ADGRF4: variants seen among roughly 807,000 people sequenced by gnomAD.
ADGRF4 encodes the protein adhesion G protein-coupled receptor F4, also known as G-protein coupled receptor PGR18.
In ADGRF4, 63 loss-of-function variants were observed where a neutral mutation model predicts 58.5. The observed-to-expected ratio is 1.08, with a 90% confidence interval of 0.88 to 1.33. The LOEUF (loss-of-function observed/expected upper bound fraction) is 1.33. Among genes scored for constraint, ADGRF4 ranks in the 40% most tolerant of loss-of-function variants. The pLI, the probability that ADGRF4 is intolerant of heterozygous loss-of-function variation, is 0.00. For synonymous variants in ADGRF4, 313 were observed against 295.4 expected (o/e 1.06, Z -0.61); for missense variants, 931 against 843.9 (o/e 1.10, Z -1.28).
chr6:47,718,992 C>T (rs1438793243), intron 9 of ADGRF4, among the ~76,000 whole-genome samples: 1 of 152,138 alleles, frequency 6.6e-6, no homozygotes, highest in Non-Finnish European at 1.5e-5. Context: ...CTGAGAGGTA[C>T]TGGGGGAATG....
In ADGRF4 at chr6:47,708,955, T is replaced by C. The variant is rs150994157; in HGVS notation, c.148+677T>C. ...AAAATGCTGTCTCATTCCATATTTG[T>C]AACAACATTATGGCATCATATTCAA... On this transcript the variant is annotated intron_variant, in intron 3 of 9. Transcript: ENST00000283303. Among the ~76,000 whole-genome samples the C allele has an allele frequency of 2.0e-3, 299 of 151,610 alleles. 3 individuals are homozygous for C. Among genetic ancestry groups the C allele is most frequent in the African/African-American group, 6.9e-3 (282 of 40,916 alleles).
chr6:47,710,638 A>G, intron 3 of ADGRF4, 97 bp from the exon 4 acceptor site: 1 of 1,307,510 alleles, frequency 7.6e-7, no homozygotes, highest in Admixed American at 2.4e-5. Context: ...CCAGGAAGCA[A>G]TCCAAAAATC....
rs773273306 is a variant in ADGRF4 at position 47,707,344 on chromosome 6, T to A, written c.93+6T>A. The A allele has an allele frequency of 6.5e-7, 1 of 1,542,056 alleles. No homozygotes were observed. Among genetic ancestry groups the A allele is most frequent in the South Asian group, 1.1e-5 (1 of 89,636 alleles). On this transcript the variant is annotated splice_donor_region_variant and intron_variant, in intron 2 of 9. Transcript: ENST00000283303. ...GATCCAAGATTCACCTAAAAGTAAG[T>A]TTGATCTATTCCTATGTGATCCGAG...
Position 47,711,409 on chromosome 6 carries a change from C to T in ADGRF4, c.300+523C>T, listed in dbSNP as rs182843773. Among the ~76,000 whole-genome samples, 855 of 152,256 alleles carry T rather than the reference C, an allele frequency of 5.6e-3. 7 individuals are homozygous for T. The highest frequency in any genetic ancestry group is 0.019 in the African/African-American group (800 of 41,532). ...TCCCGAGGAGCTGTGACTATAGGCACGTGCCACCACACCCAGCTAATTTTT... is the reference window on the plus strand; with the variant it reads ...TCCCGAGGAGCTGTGACTATAGGCATGTGCCACCACACCCAGCTAATTTTT... On this transcript the variant is annotated intron_variant, in intron 4 of 9. Transcript: ENST00000283303.
intron 8 of ADGRF4, among the ~76,000 whole-genome samples, chr6:47,717,744 T>C (rs1772058920): frequency 6.6e-6 from 1 of 152,234 alleles, no homozygotes; most frequent in South Asian, 2.1e-4. Context: ...GATGGGCACA[T>C]GGCCACCCAG....
Position 47,714,522 on chromosome 6 carries a change from T to G in ADGRF4, c.1277T>G (p.Val426Gly). Residue 426 changes from valine to glycine, a missense_variant, in exon 6 of 10, where the codon GTG becomes GGG. Val to Gly is a moderately radical substitution (Grantham distance 109). Transcript: ENST00000283303. Reference sequence around the variant, plus strand: ...CTTTGCCTGATCATTGAAGCCACAGTGTGGTCCCGGGTGGTTGTGACGGAG... The same window carrying G: ...CTTTGCCTGATCATTGAAGCCACAGGGTGGTCCCGGGTGGTTGTGACGGAG... The part of the protein sequence containing the change: ...LVLCLIIEAT[V>G]WSRVVVTEIS... 6.2e-7 allele frequency: 1 copy of G among 1,614,114 alleles called. No homozygotes were observed.
chr6:47,708,954 G>C (rs563252351), intron 3 of ADGRF4, among the ~76,000 whole-genome samples: 1 of 151,452 alleles, frequency 6.6e-6, no homozygotes, highest in African/African-American at 2.5e-5. Context: ...TTCCATATTT[G>C]TAACAACATT....
chr6:47,710,911 G>C (rs747007031), intron 4 of ADGRF4, 25 bp downstream of exon 4: 2 of 1,601,110 alleles, frequency 1.2e-6, no homozygotes, highest in East Asian at 4.5e-5. Context: ...AATTATTGGT[G>C]ACAGAAGCCA....
Position 47,714,875 on chromosome 6 carries a change from A to C in ADGRF4, c.1630A>C (p.Met544Leu). Reference sequence around the variant, plus strand: ...TATCACAGAGCCAGAGAAAGGCTACATGAGACCTGAGGCCTGTTGGCTTAA... The same window carrying C: ...TATCACAGAGCCAGAGAAAGGCTACCTGAGACCTGAGGCCTGTTGGCTTAA... ...VAITEPEKGY[M>L]RPEACWLNWD... Residue 544 changes from methionine to leucine, a missense_variant, in exon 6 of 10, where the codon ATG (methionine) becomes CTG (leucine). Transcript: ENST00000283303. The C allele has an allele frequency of 6.2e-7, 1 of 1,609,712 alleles. No homozygotes were observed. The highest frequency in any genetic ancestry group is 8.5e-7 in the Non-Finnish European group (1 of 1,176,196).
Position 47,714,800 on chromosome 6 carries a change from T to A in ADGRF4, c.1555T>A (p.Phe519Ile). 6.2e-7 allele frequency: 1 copy of A among 1,613,872 alleles called. No individual in the cohort carries two copies. The highest frequency in any genetic ancestry group is 8.5e-7 in the Non-Finnish European group (1 of 1,179,726). Residue 519 changes from phenylalanine to isoleucine, a missense_variant, in exon 6 of 10, where the codon TTT becomes ATT. Transcript: ENST00000283303. ...MMKSRMMVIG[F>I]AIGYGCPLII... ...GAAGTCCCGAATGATGGTCATTGGC[T>A]TTGCCATTGGCTATGGGTGCCCATT...
intron 4 of ADGRF4, 98 bp from the exon 5 acceptor site, chr6:47,712,259 A>G: frequency 2.5e-6 from 3 of 1,222,212 alleles, no homozygotes; most frequent in South Asian, 1.4e-5. Context: ...TTGCTTCTCC[A>G]TCTACCTTAC....
Position 47,714,448 on chromosome 6 carries a change from G to A in ADGRF4, c.1203G>A (p.Leu401=). Residue 401 remains leucine, a synonymous_variant, in exon 6 of 10, where the codon CTG becomes CTA. Coordinates refer to ENST00000283303, the MANE Select transcript of ADGRF4 (RefSeq NM_153838.5). ...CCAAATCGATGACCGACAAAGTTCT[G>A]GACTACATCACCTGCATTGGGCTCA... ...MSSKSMTDKV[L]DYITCIGLSV... is the part of the protein sequence containing the mutation. 1 of 1,614,080 alleles carries A rather than the reference G, an allele frequency of 6.2e-7. No homozygotes were observed. The highest frequency in any genetic ancestry group is 8.5e-7 in the Non-Finnish European group (1 of 1,180,018).
At chr6:47,715,591 C>T (rs190683899) in intron 6 of ADGRF4, 1 of 159,486 alleles carries the variant, frequency 6.3e-6, no homozygotes, top group Non-Finnish European at 1.4e-5. Flanking sequence ...CCTTGCCACT[C>T]ACTTTGGGTG....
chr6:47,714,896 C>T lies in ADGRF4; in HGVS notation c.1651C>T (p.Leu551Phe), dbSNP rs775857958. 1 of 1,610,852 alleles carries T rather than the reference C, an allele frequency of 6.2e-7. No homozygotes were observed. Among genetic ancestry groups the T allele is most frequent in the Admixed American group, 1.7e-5 (1 of 59,972 alleles). Residue 551 changes from leucine to phenylalanine, a missense_variant, in exon 6 of 10, where the codon CTT (leucine) becomes TTT (phenylalanine). Transcript: ENST00000283303. ...CTACATGAGACCTGAGGCCTGTTGGCTTAACTGGGACAATACCAAAGCCCT... is the reference window on the plus strand; with the variant it reads ...CTACATGAGACCTGAGGCCTGTTGGTTTAACTGGGACAATACCAAAGCCCT... ...KGYMRPEACW[L>F]NWDNTKALLA...
chr6:47,715,530 T>C (rs1227527911), intron 6 of ADGRF4: 1 of 179,102 alleles, frequency 5.6e-6, no homozygotes, highest in Non-Finnish European at 1.2e-5. Context: ...TATCCAGTGG[T>C]TTGGGAACTC....
rs550774063 is a variant in ADGRF4, at chr6:47,704,519, A to G, written c.-16-2711A>G. ...ACCCTGTGAAGAAGACTTCAGTATA[A>G]TTGTGAAGGCTAGCAAAGAGAAAGG... On this transcript the variant is annotated intron_variant, in intron 1 of 9. Transcript: ENST00000283303. Among the ~76,000 whole-genome samples, 4 of 152,256 alleles carry G rather than the reference A, an allele frequency of 2.6e-5. No homozygotes were observed. In the East Asian group the frequency reaches 7.8e-4, roughly 30 times the overall value.
intron 9 of ADGRF4, among the ~76,000 whole-genome samples, chr6:47,718,848 T>A (rs1272327595): frequency 6.6e-6 from 1 of 152,182 alleles, no homozygotes; most frequent in East Asian, 1.9e-4. Context: ...GGGGTATGGG[T>A]GGGGTTGCGG....
At chr6:47,712,292 C>T (rs912242451) in intron 4 of ADGRF4, 65 bp from the exon 5 acceptor site, 21 of 1,524,056 alleles carry the variant, frequency 1.4e-5, no homozygotes, top group Non-Finnish European at 1.8e-5. Context: ...TGCTTTAACT[C>T]CTTTAGTCTG....
chr6:47,716,996 A>AG (rs983190988), intron 7 of ADGRF4, 149 bp downstream of exon 7: 60 of 649,658 alleles, frequency 9.2e-5, no homozygotes, highest in Non-Finnish European at 1.2e-4. Flanking sequence ...GAAAAAAAAA[A>AG]CACACCAATA....
Sources: allele counts gnomAD v4.1 joint callset (sites outside exome capture counted in the v4.1 genomes callset), GRCh38; gene constraint gnomAD v4.1.1; transcripts MANE v1.5; gene names NCBI Gene and HGNC (gene_info 2026-07-23, HGNC 2026-07-21).